TAFA5: variants seen among roughly 807,000 people sequenced by gnomAD.
TAFA5 encodes chemokine-like protein TAFA-5.
In TAFA5, 6 loss-of-function variants were observed where a neutral mutation model predicts 15.3. The ratio of observed to expected loss-of-function variants is 0.39; its 90% confidence interval spans 0.21 to 0.77. TAFA5 has a LOEUF of 0.77. Ranked by LOEUF, TAFA5 falls within the 30% of genes least tolerant of loss-of-function variation. TAFA5 has a pLI of 0.41. For synonymous variants in TAFA5, 103 were observed against 80.7 expected, an observed-to-expected ratio of 1.28 and a Z score of -1.48; for missense variants, 161 against 193.1, an observed-to-expected ratio of 0.83 and a Z score of 0.98.
At chr22:48,518,640 G>C (rs998918251) in intron 1 of TAFA5, among the ~76,000 whole-genome samples, 1 of 152,214 alleles carries the variant, frequency 6.6e-6, no homozygotes, top group Non-Finnish European at 1.5e-5. Context: ...CTCAGAGCAG[G>C]GGTGCTCAGC....
intron 2 of TAFA5, among the ~76,000 whole-genome samples, chr22:48,697,340 GTGA>G (rs886418731): frequency 9.5e-5 from 14 of 147,960 alleles, no homozygotes; most frequent in South Asian, 2.2e-4. Flanking sequence ...GGTGACAGTG[GTGA>G]TGATGATGAT....
chr22:48,548,533 G>A (rs1922753336), intron 1 of TAFA5, among the ~76,000 whole-genome samples: 2 of 152,212 alleles, frequency 1.3e-5, no homozygotes, highest in South Asian at 4.1e-4. Context: ...AGCTACAGTG[G>A]GGTCAGACTG....
chr22:48,568,333 C>G (rs1374006944), intron 1 of TAFA5, among the ~76,000 whole-genome samples: 1 of 152,256 alleles, frequency 6.6e-6, no homozygotes, highest in Non-Finnish European at 1.5e-5. Context: ...CTCGTCTGCT[C>G]CAGAGAGAGG....
At chr22:48,680,407 G>A (rs114861522) in intron 2 of TAFA5, among the ~76,000 whole-genome samples, 6,665 of 152,242 alleles carry the variant, frequency 0.044, 502 homozygotes, top group African/African-American at 0.15. Context: ...AGTCCCTGCT[G>A]CCGGGGCCCT....
At chr22:48,652,256 C>A (rs944240067) in intron 2 of TAFA5, among the ~76,000 whole-genome samples, 13 of 152,328 alleles carry the variant, frequency 8.5e-5, no homozygotes, top group Non-Finnish European at 1.5e-4. Flanking sequence ...CGCCAAGGTC[C>A]CTAAGATGCG....
intron 1 of TAFA5, among the ~76,000 whole-genome samples, chr22:48,497,035 T>G (rs5768679): frequency 0.4 from 61,389 of 152,050 alleles, 13,660 homozygotes; most frequent in African/African-American, 0.58. Context: ...GCGGTGGGGC[T>G]GGTCCCGCAC....
Position 48,579,131 on chromosome 22 carries a change from C to A in TAFA5, c.113-67466C>A, listed in dbSNP as rs563735731. On this transcript the variant is annotated intron_variant, in intron 1 of 3. Coordinates refer to ENST00000402357, the MANE Select transcript of TAFA5 (RefSeq NM_001082967.3). ...GAGGCCACCCCGTGGCTAATCCGTCCCCCCCTGGCCACTCTGGTCTTCCAG... is the reference window on the plus strand; with the variant it reads ...GAGGCCACCCCGTGGCTAATCCGTCACCCCCTGGCCACTCTGGTCTTCCAG... Among the ~76,000 whole-genome samples the A allele has an allele frequency of 2.0e-3, 228 of 113,096 alleles. 3 individuals carry two copies. Among genetic ancestry groups the A allele is most frequent in the African/African-American group, 6.2e-3 (224 of 36,278 alleles). 74.2% of individuals were successfully genotyped at this position (113,096 alleles called of 152,430 possible).
chr22:48,747,364 T>G (rs1393548697), intron 3 of TAFA5, among the ~76,000 whole-genome samples: 1 of 152,126 alleles, frequency 6.6e-6, no homozygotes, highest in Non-Finnish European at 1.5e-5. Flanking sequence ...GGGGCCTTGG[T>G]TGTGACCTGG....
intron 1 of TAFA5, among the ~76,000 whole-genome samples, chr22:48,571,347 T>C (rs1051036470): frequency 2.1e-5 from 3 of 143,626 alleles, no homozygotes; most frequent in East Asian, 4.5e-4. Context: ...CAATCTCGGC[T>C]CACTGCAACC....
rs1054739122 is a variant in TAFA5 at position 48,658,157 on chromosome 22, C to G, written c.262+11411C>G. ...CGTTTCAGGGAAGGGTGCATGGGGTCTGCCTGATGCCAGAGGACCTTGAGC... is the reference window on the plus strand; with the variant it reads ...CGTTTCAGGGAAGGGTGCATGGGGTGTGCCTGATGCCAGAGGACCTTGAGC... On this transcript the variant is annotated intron_variant, in intron 2 of 3. Coordinates refer to ENST00000402357, the MANE Select transcript of TAFA5 (RefSeq NM_001082967.3). 3.3e-5 allele frequency among the ~76,000 whole-genome samples: 5 copies of G among 150,038 alleles called. No individual in the cohort carries two copies. The East Asian group carries it at 1.0e-3, about 30-fold the overall frequency.
intron 2 of TAFA5, among the ~76,000 whole-genome samples, chr22:48,681,691 G>A (rs980843371): frequency 2.0e-5 from 3 of 151,810 alleles, no homozygotes; most frequent in Admixed American, 2.0e-4. Context: ...AAAAAACAGA[G>A]GCAAGAAGTT....
chr22:48,690,171 G>T (rs920699253), intron 2 of TAFA5, among the ~76,000 whole-genome samples: 6 of 152,132 alleles, frequency 3.9e-5, no homozygotes, highest in South Asian at 4.1e-4. Flanking sequence ...TCCTCAGCCT[G>T]CCAGGCAAGG....
intron 3 of TAFA5, among the ~76,000 whole-genome samples, chr22:48,734,252 G>A (rs1377504806): frequency 6.6e-6 from 1 of 151,990 alleles, no homozygotes; most frequent in Non-Finnish European, 1.5e-5. Context: ...AATGAGAAAA[G>A]TCTGGAACAA....
intron 2 of TAFA5, among the ~76,000 whole-genome samples, chr22:48,662,710 G>C (rs1214052100): frequency 6.6e-6 from 1 of 152,228 alleles, no homozygotes; most frequent in Non-Finnish European, 1.5e-5. Flanking sequence ...GAGCAGGTCA[G>C]ACTGGCAAGC....
chr22:48,600,918 G>T (rs919382038), intron 1 of TAFA5, among the ~76,000 whole-genome samples: 1 of 152,102 alleles, frequency 6.6e-6, no homozygotes, highest in African/African-American at 2.4e-5. Flanking sequence ...CCTGACACTC[G>T]GTCACGGTGC....
chr22:48,632,260 T>C lies in TAFA5; in HGVS notation c.113-14337T>C, dbSNP rs1926258294. On this transcript the variant is annotated intron_variant, in intron 1 of 3. Coordinates refer to ENST00000402357, the MANE Select transcript of TAFA5 (RefSeq NM_001082967.3). ...TACCATGGGCCTGCCTGGTGTGGGT[T>C]GAGGCTTTTCTGATCCAGTCCAGAG... 2.0e-5 allele frequency among the ~76,000 whole-genome samples: 3 copies of C among 152,134 alleles called. No homozygotes were observed. In the South Asian group the frequency reaches 6.2e-4, roughly 31 times the overall value.
In TAFA5 at chr22:48,572,542, A is replaced by C. The variant is rs368919199; in HGVS notation, c.113-74055A>C. On this transcript the variant is annotated intron_variant, in intron 1 of 3. Coordinates refer to ENST00000402357, the MANE Select transcript of TAFA5 (RefSeq NM_001082967.3). The stretch of plus-strand genomic sequence containing the variant: ...TTCTCATGAGTGACCAAAGTCCTTA[A>C]CTCTGCTCTGCCCTGGTTTTTTCTT... Among the ~76,000 whole-genome samples, 15 of 152,114 alleles carry C rather than the reference A, an allele frequency of 9.9e-5. No homozygotes were observed. In the East Asian group the frequency reaches 2.9e-3, roughly 29 times the overall value.
intron 1 of TAFA5, among the ~76,000 whole-genome samples, chr22:48,620,359 G>C (rs1925757970): frequency 6.6e-6 from 1 of 152,020 alleles, no homozygotes; most frequent in Admixed American, 6.5e-5. Flanking sequence ...TCCCATATTT[G>C]TGTAAATGAA....
At chr22:48,625,133 A>G (rs1601624355) in intron 1 of TAFA5, among the ~76,000 whole-genome samples, 1 of 148,726 alleles carries the variant, frequency 6.7e-6, no homozygotes, top group African/African-American at 2.5e-5. Flanking sequence ...AAAAAGAGAG[A>G]GAGAGAGAAA....
Sources: gnomAD v4.1 joint callset for allele counts (sites outside exome capture counted in the v4.1 genomes callset) on GRCh38, gnomAD v4.1.1 for gene constraint, MANE v1.5 for transcripts, NCBI Gene and HGNC (gene_info 2026-07-23, HGNC 2026-07-21) for gene names.